The following PURG variants were observed in gnomAD, a reference collection of about 807,000 sequenced individuals.
PURG encodes the protein purine-rich element-binding protein gamma.
In PURG, 3 loss-of-function variants were observed where a neutral mutation model predicts 24.3. The ratio of observed to expected loss-of-function variants is 0.12; its 90% CI spans 0.06 to 0.32. PURG has a LOEUF of 0.32. PURG is among the 10% of genes least tolerant of loss of function. The pLI, the probability that PURG is intolerant of heterozygous loss-of-function variation, is 1.00. For synonymous variants in PURG, 180 were observed against 173.1 expected (o/e 1.04, Z -0.31); for missense variants, 371 against 439.1 (o/e 0.84, Z 1.39).
At position 31,000,153 on chromosome 8, in the gene PURG, G is replaced by A. The variant is rs557372394; in HGVS notation, c.865-3456C>T. On this transcript the variant is annotated intron_variant, in intron 1 of 1. Coordinates refer to the PURG transcript ENST00000339382. ...TCCTATAAAGTCCAGCAAAAAATATGATGCATGGGTTATTAATTTTCATGC... is the reference window on the plus strand; with the variant it reads ...TCCTATAAAGTCCAGCAAAAAATATAATGCATGGGTTATTAATTTTCATGC... 7.1e-4 allele frequency among the ~76,000 whole-genome samples: 108 copies of A among 152,132 alleles called. 4 individuals are homozygous for A. In the South Asian group the frequency reaches 0.022, roughly 31 times the overall value.
downstream of PURG, among the ~76,000 whole-genome samples, chr8:31,030,318 G>A (rs1811169627): frequency 6.6e-6 from 1 of 152,020 alleles, no homozygotes; most frequent in Non-Finnish European, 1.5e-5. Context: ...TGGACTTATT[G>A]TGTGGGAGGT....
At chr8:31,023,544 CA>C (rs78871432) in intron 1 of PURG, among the ~76,000 whole-genome samples, 11,757 of 122,680 alleles carry the variant, frequency 0.096, 537 homozygotes, top group Non-Finnish European at 0.12. Flanking sequence ...GACTGCATCT[CA>C]AAAAAAAAAA....
intron 1 of PURG, among the ~76,000 whole-genome samples, chr8:31,006,402 T>C (rs964431199): frequency 6.6e-6 from 1 of 152,102 alleles, no homozygotes; most frequent in Admixed American, 6.5e-5. Context: ...AGACGAGCCA[T>C]GGCCAACATG....
At chr8:31,024,209 G>T (rs1026213726) in intron 1 of PURG, among the ~76,000 whole-genome samples, 2 of 151,904 alleles carry the variant, frequency 1.3e-5, no homozygotes, top group African/African-American at 4.8e-5. Flanking sequence ...TGTTCCGTTG[G>T]GTATCATCAC....
At position 31,017,846 on chromosome 8, in the gene PURG, T is replaced by C. The variant is rs16877644; in HGVS notation, c.864+14073A>G. 9.0e-3 allele frequency among the ~76,000 whole-genome samples: 1,365 copies of C among 152,316 alleles called. 21 individuals carry two copies. Among genetic ancestry groups the C allele is most frequent in the African/African-American group, 0.031 (1,301 of 41,582 alleles). On this transcript the variant is annotated intron_variant, in intron 1 of 1. Coordinates refer to the PURG transcript ENST00000339382. ...CAAGAAAAAATGGAGAAAGATATTA[T>C]AGATGTTTCGACTTTTAAACAGAAT...
chr8:31,000,538 C>T (rs1125841), intron 1 of PURG, among the ~76,000 whole-genome samples: 99,268 of 152,020 alleles, frequency 0.65, 32,836 homozygotes, highest in East Asian at 0.96. Flanking sequence ...TGTAAGATTA[C>T]GATTCTCTGT....
At chr8:30,998,417 A>G (rs937586033) in intron 1 of PURG, among the ~76,000 whole-genome samples, 1 of 151,768 alleles carries the variant, frequency 6.6e-6, no homozygotes, top group African/African-American at 2.4e-5. Context: ...TAGCTAGTTC[A>G]AGGTAATAAA....
chr8:31,028,294 T>C (rs372642705), downstream of PURG, among the ~76,000 whole-genome samples: 8 of 151,948 alleles, frequency 5.3e-5, no homozygotes, highest in East Asian at 1.3e-3. Flanking sequence ...TCCATTACAC[T>C]GATTTAATGG....
rs750039262 is a variant in PURG, at chr8:31,031,247, G to A, written c.*492C>T. 2.6e-5 allele frequency: 4 copies of A among 155,408 alleles called. No homozygotes were observed. In the South Asian group the frequency reaches 7.9e-4, roughly 31 times the overall value. 9.6% of individuals were successfully genotyped at this position (155,408 alleles called of 1,614,324 possible). Reference sequence around the variant, plus strand: ...TTCAGTTATTCAACGGACAATATACGTCTACTTGTACTTTTATAAGTAAAT... The same window carrying A: ...TTCAGTTATTCAACGGACAATATACATCTACTTGTACTTTTATAAGTAAAT... On this transcript the variant is annotated 3_prime_UTR_variant, in exon 2 of 2. Transcript: ENST00000523392.
At chr8:31,014,241 C>T (rs189924395) in intron 1 of PURG, among the ~76,000 whole-genome samples, 4 of 152,278 alleles carry the variant, frequency 2.6e-5, no homozygotes, top group African/African-American at 9.6e-5. Flanking sequence ...ATCCAAGAGT[C>T]ATGATCAATC....
At chr8:31,009,956 GC>G (rs1810733761) in intron 1 of PURG, among the ~76,000 whole-genome samples, 1 of 152,116 alleles carries the variant, frequency 6.6e-6, no homozygotes, top group Non-Finnish European at 1.5e-5. Flanking sequence ...AAATAGCTGG[GC>G]ATGGTGGTGC....
downstream of PURG, among the ~76,000 whole-genome samples, chr8:31,026,630 T>A (rs1811094015): frequency 2.1e-5 from 2 of 96,770 alleles, no homozygotes; most frequent in African/African-American, 6.8e-5. Flanking sequence ...CTGTATGTTT[T>A]AAAAAGAATA....
intron 1 of PURG, among the ~76,000 whole-genome samples, chr8:31,003,778 A>C (rs886782325): frequency 6.6e-6 from 1 of 152,060 alleles, no homozygotes; most frequent in African/African-American, 2.4e-5. Flanking sequence ...AAACCAAAAA[A>C]CAAAAAAACA....
At chr8:31,002,361 T>TTTTTTTTTTTAA (rs201870746) in intron 1 of PURG, among the ~76,000 whole-genome samples, 4 of 152,198 alleles carry the variant, frequency 2.6e-5, no homozygotes, top group African/African-American at 9.7e-5. Context: ...TATTTTCTTT[T>TTTTTTTTTTTAA]AAAAAAGGAT....
chr8:31,000,569 C>T (rs1202941141), intron 1 of PURG, among the ~76,000 whole-genome samples: 1 of 152,118 alleles, frequency 6.6e-6, no homozygotes, highest in Non-Finnish European at 1.5e-5. Flanking sequence ...CTGGGCTCTG[C>T]TACACCACAG....
intron 1 of PURG, among the ~76,000 whole-genome samples, chr8:31,001,870 C>A (rs994389863): frequency 6.6e-6 from 1 of 152,124 alleles, no homozygotes; most frequent in Non-Finnish European, 1.5e-5. Context: ...GTATTACTCA[C>A]GCCTGAATCG....
At chr8:31,014,238 A>G (rs1295567312) in intron 1 of PURG, among the ~76,000 whole-genome samples, 2 of 152,212 alleles carry the variant, frequency 1.3e-5, no homozygotes, top group Non-Finnish European at 1.5e-5. Context: ...ATTATCCAAG[A>G]GTCATGATCA....
At chr8:30,996,401 C>A (rs1810428437) in exon 2 of PURG, 1 of 444,770 alleles carries the variant, frequency 2.2e-6, no homozygotes, top group African/African-American at 2.0e-5. Context: ...TGGATAGAGT[C>A]GAAAGGTACT....
At chr8:31,010,640 T>G (rs1285018770) in intron 1 of PURG, among the ~76,000 whole-genome samples, 1 of 152,218 alleles carries the variant, frequency 6.6e-6, no homozygotes, top group Non-Finnish European at 1.5e-5. Flanking sequence ...GCAGTGGGCT[T>G]GTTAAAACCC....
Sources: gnomAD v4.1 joint callset for allele counts (sites outside exome capture counted in the v4.1 genomes callset) on GRCh38, gnomAD v4.1.1 for gene constraint, MANE v1.5 for transcripts, NCBI Gene and HGNC (gene_info 2026-07-23, HGNC 2026-07-21) for gene names.